RNF149: variants seen among roughly 807,000 people sequenced by gnomAD.
RNF149 encodes the protein E3 ubiquitin-protein ligase RNF149.
In RNF149, 21 loss-of-function variants were observed where a neutral mutation model predicts 39.0. The observed-to-expected ratio is 0.54, with a 90% confidence interval of 0.38 to 0.77. RNF149 has a LOEUF of 0.77. RNF149 is among the 30% of genes least tolerant of loss of function. The pLI is 0.00. For missense variants in RNF149, 493 were observed against 534.9 expected, an observed-to-expected ratio of 0.92 and a Z score of 0.77; for synonymous variants, 209 against 213.6, an observed-to-expected ratio of 0.98 and a Z score of 0.19.
chr2:101,279,081 A>G (rs1369911596), intron 6 of RNF149, among the ~76,000 whole-genome samples: 4 of 152,254 alleles, frequency 2.6e-5, no homozygotes, highest in Non-Finnish European at 4.4e-5. Context: ...CGTTACCGTT[A>G]TAAGGCTGAA....
chr2:101,292,630 G>C (rs1683059486), intron 3 of RNF149, among the ~76,000 whole-genome samples: 1 of 152,184 alleles, frequency 6.6e-6, no homozygotes, highest in African/African-American at 2.4e-5. Flanking sequence ...GCTGGGCGTG[G>C]TGGCAGGCGC....
downstream of RNF149, chr2:101,272,805 A>C (rs935890490): frequency 2.1e-6 from 1 of 465,706 alleles, no homozygotes; most frequent in Non-Finnish European, 3.7e-6. Context: ...ATTTGGTTAC[A>C]TTGGGTATTT....
In RNF149 at chr2:101,308,525, C is replaced by T. The variant is rs769638742; in HGVS notation, c.64G>A (p.Ala22Thr). Reference sequence around the variant, plus strand: ...GCCCCGGGCACGCACAGGGCCAGGGCGAGCAACGCCAGAGCCAACACGCCG... The same window carrying T: ...GCCCCGGGCACGCACAGGGCCAGGGTGAGCAACGCCAGAGCCAACACGCCG... ...ARGVLALALL[A>T]LALCVPGARG... Residue 22 changes from alanine to threonine, a missense_variant, in exon 1 of 7, where the codon GCC (alanine) becomes ACC (threonine). Physicochemically the swap from Ala to Thr is moderately conservative, Grantham distance 58. Coordinates refer to ENST00000295317, the MANE Select transcript of RNF149 (RefSeq NM_173647.4). 7.7e-5 allele frequency: 124 copies of T among 1,604,458 alleles called. No homozygotes were observed. The highest frequency in any genetic ancestry group is 9.9e-5 in the Non-Finnish European group (116 of 1,177,250).
rs117458336 is a variant in RNF149 at position 101,302,912 on chromosome 2, C to A, written c.460+5217G>T. ...GGAGGATTGCTTGATCCCTAAAGGGCAAAGCTACAGCGAGCTATGATGGTG... is the reference window on the plus strand; with the variant it reads ...GGAGGATTGCTTGATCCCTAAAGGGAAAAGCTACAGCGAGCTATGATGGTG... On this transcript the variant is annotated intron_variant, in intron 1 of 6. Transcript: ENST00000295317. Among the ~76,000 whole-genome samples, 253 of 151,128 alleles carry A rather than the reference C, an allele frequency of 1.7e-3. 6 individuals are homozygous for A. In the East Asian group the frequency reaches 0.042, roughly 25 times the overall value.
downstream of RNF149, among the ~76,000 whole-genome samples, chr2:101,272,005 T>G (rs1558772030): frequency 6.6e-6 from 1 of 152,240 alleles, no homozygotes; most frequent in Non-Finnish European, 1.5e-5. Flanking sequence ...TTGAATTACA[T>G]TCCTTAAACA....
chr2:101,301,800 C>T (rs1455187891), intron 1 of RNF149, among the ~76,000 whole-genome samples: 2 of 152,130 alleles, frequency 1.3e-5, no homozygotes, highest in Non-Finnish European at 2.9e-5. Context: ...TAAAATTCTT[C>T]TGGATGACAT....
At chr2:101,272,957 C>T (rs756132813), downstream of RNF149, 12 of 1,352,132 alleles carry the variant, frequency 8.9e-6, no homozygotes, top group Middle Eastern at 2.1e-4. Flanking sequence ...ACTAGTGGTT[C>T]GCTTCAGGAT....
At chr2:101,278,640 T>G (rs1682444024) in intron 6 of RNF149, among the ~76,000 whole-genome samples, 1 of 152,218 alleles carries the variant, frequency 6.6e-6, no homozygotes, top group African/African-American at 2.4e-5. Flanking sequence ...TCACACTAAT[T>G]CATGTGCATT....
At chr2:101,283,657 G>T (rs1238597319) in intron 5 of RNF149, among the ~76,000 whole-genome samples, 2 of 152,110 alleles carry the variant, frequency 1.3e-5, no homozygotes, top group Admixed American at 6.5e-5. Context: ...GTTACTATAG[G>T]TTCTGTTCTT....
Position 101,308,283 on chromosome 2 carries a change from G to T in RNF149, c.306C>A (p.Gly102=). The T allele has an allele frequency of 6.3e-7, 1 of 1,575,020 alleles. No homozygotes were observed. The highest frequency in any genetic ancestry group is 8.6e-7 in the Non-Finnish European group (1 of 1,163,138). The change falls in exon 1 of 7, where the codon GGC becomes GGA. Residue 102 remains glycine, a synonymous_variant. Coordinates refer to ENST00000295317, the MANE Select transcript of RNF149 (RefSeq NM_173647.4). ...PDTRFFVPEP[G]GRGAAPWVAL... is the part of the protein sequence containing the mutation. ...CGACCCAGGGCGCGGCCCCTCGGCC[G>T]CCGGGCTCGGGCACGAAGAAGCGCG...
intron 3 of RNF149, among the ~76,000 whole-genome samples, chr2:101,291,241 C>G (rs891929967): frequency 6.6e-6 from 1 of 152,148 alleles, no homozygotes; most frequent in Non-Finnish European, 1.5e-5. Context: ...ACCTCCACCT[C>G]CTGGGTTCAA....
At chr2:101,272,922 C>T (rs1336447277), downstream of RNF149, 3 of 1,349,756 alleles carry the variant, frequency 2.2e-6, no homozygotes, top group Admixed American at 3.8e-5. Flanking sequence ...TGGCATGAAG[C>T]TTCCAATCCT....
intron 3 of RNF149, among the ~76,000 whole-genome samples, chr2:101,292,089 A>G (rs2104411479): frequency 6.6e-6 from 1 of 152,374 alleles, no homozygotes; most frequent in Non-Finnish European, 1.5e-5. Context: ...ATAATAAAGT[A>G]TTGACTATCT....
rs774962210 is a variant in RNF149 at position 101,308,340 on chromosome 2, G to A, written c.249C>T (p.Pro83=). The change falls in exon 1 of 7, where the codon CCC becomes CCT. Residue 83 remains proline, a synonymous_variant. Transcript: ENST00000295317. ...GCGCGCAGCCCTCGAGGTCTCCGCC[G>A]GGCGCCCACGGGACGCCCACCAGGC... ...AHGLVGVPWA[P]GGDLEGCAPD... 3.6e-5 allele frequency: 57 copies of A among 1,598,126 alleles called. No homozygotes were observed. The highest frequency in any genetic ancestry group is 4.9e-5 in the Non-Finnish European group (57 of 1,175,120).
chr2:101,291,395 C>T (rs1683004459), intron 3 of RNF149, among the ~76,000 whole-genome samples: 1 of 151,566 alleles, frequency 6.6e-6, no homozygotes, highest in African/African-American at 2.4e-5. Context: ...GTGATCCACC[C>T]GCCTCGGCCT....
At chr2:101,299,474 C>T (rs1273139149) in intron 1 of RNF149, among the ~76,000 whole-genome samples, 1 of 152,110 alleles carries the variant, frequency 6.6e-6, no homozygotes, top group Non-Finnish European at 1.5e-5. Context: ...AAGGCATTTT[C>T]TAAACATCTA....
intron 1 of RNF149, among the ~76,000 whole-genome samples, chr2:101,297,547 T>TG (rs34737780): frequency 0.39 from 59,592 of 151,476 alleles, 12,275 homozygotes; most frequent in East Asian, 0.52. Flanking sequence ...TTTTTAGAGA[T>TG]GGGGTCTCAC....
At chr2:101,275,111 G>GTTTTTTTTTTT (rs1165388203), downstream of RNF149, among the ~76,000 whole-genome samples, 11 of 51,056 alleles carry the variant, frequency 2.2e-4, 1 homozygote, top group South Asian at 1.0e-3. Context: ...TAGTATTTCT[G>GTTTTTTTTTTT]TTTTTTTTTT....
chr2:101,272,936 A>G (rs1233137512), downstream of RNF149: 3 of 1,351,592 alleles, frequency 2.2e-6, no homozygotes, highest in African/African-American at 1.5e-5. Context: ...CAATCCTGCT[A>G]CTGAGGTCAG....
Sources: gnomAD v4.1 joint callset for allele counts (sites outside exome capture counted in the v4.1 genomes callset) on GRCh38, gnomAD v4.1.1 for gene constraint, MANE v1.5 for transcripts, NCBI Gene and HGNC (gene_info 2026-07-23, HGNC 2026-07-21) for gene names.